CNTN5: variants seen among roughly 807,000 people sequenced by gnomAD.
CNTN5 encodes the protein contactin 5.
Under a neutral mutation model 129.1 loss-of-function variants are expected in CNTN5, and 77 were observed. The ratio of observed to expected loss-of-function variants is 0.60; its 90% CI spans 0.50 to 0.72. The LOEUF is 0.72. Among genes scored for constraint, CNTN5 ranks in the 30% least tolerant of loss-of-function variants. The pLI, the probability that CNTN5 is intolerant of heterozygous loss-of-function variation, is 0.00. For missense variants in CNTN5, 1,478 were observed against 1,328.8 expected, an observed-to-expected ratio of 1.11 and a Z score of -1.75; for synonymous variants, 509 against 465.6, an observed-to-expected ratio of 1.09 and a Z score of -1.20.
At chr11:99,514,673 T>C (rs1301024931) in intron 2 of CNTN5, among the ~76,000 whole-genome samples, 1 of 152,090 alleles carries the variant, frequency 6.6e-6, no homozygotes, top group Admixed American at 6.6e-5. Flanking sequence ...GTATTTTAAA[T>C]TGAGGTATAT....
intron 6 of CNTN5, among the ~76,000 whole-genome samples, chr11:99,878,853 C>A (rs958453023): frequency 6.6e-6 from 1 of 151,672 alleles, no homozygotes; most frequent in Non-Finnish European, 1.5e-5. Context: ...GACTCCGTCT[C>A]AAAAAAAATA....
chr11:100,168,066 A>T (rs979445825), intron 13 of CNTN5, among the ~76,000 whole-genome samples: 1 of 151,906 alleles, frequency 6.6e-6, no homozygotes, highest in Non-Finnish European at 1.5e-5. Flanking sequence ...TCAATTCTAT[A>T]AAGTTTGACA....
At chr11:99,174,856 T>C (rs569590298) in intron 1 of CNTN5, among the ~76,000 whole-genome samples, 2 of 152,256 alleles carry the variant, frequency 1.3e-5, no homozygotes, top group South Asian at 4.1e-4. Flanking sequence ...TGTTATGTGA[T>C]AAAATTGTAT....
intron 3 of CNTN5, among the ~76,000 whole-genome samples, chr11:99,761,327 A>G (rs1480978042): frequency 6.6e-6 from 1 of 151,936 alleles, no homozygotes; most frequent in Non-Finnish European, 1.5e-5. Flanking sequence ...CAGGTTTGTT[A>G]CGTATGTATA....
intron 1 of CNTN5, among the ~76,000 whole-genome samples, chr11:99,051,407 G>T (rs1463339581): frequency 1.3e-5 from 2 of 151,824 alleles, no homozygotes; most frequent in Admixed American, 1.3e-4. Context: ...GCAGCCAATG[G>T]TGCTTATGTC....
At position 99,314,721 on chromosome 11, in the gene CNTN5, G is replaced by A. The variant is rs1865264666; in HGVS notation, c.-209-10625G>A. Among the ~76,000 whole-genome samples, 3 of 150,470 alleles carry A rather than the reference G, an allele frequency of 2.0e-5. 1 individual carries two copies. Among genetic ancestry groups the A allele is most frequent in the Admixed American group, 2.0e-4 (3 of 15,114 alleles). On this transcript the variant is annotated intron_variant, in intron 1 of 24. Transcript: ENST00000524871. The stretch of plus-strand genomic sequence containing the variant: ...AGGGTAGGGAAAGGAGAAAGGGAGA[G>A]GGGAATAAGGAAAGGAAGAGAGGGG...
intron 3 of CNTN5, among the ~76,000 whole-genome samples, chr11:99,652,936 G>A (rs1047295060): frequency 2.6e-5 from 4 of 151,920 alleles, no homozygotes; most frequent in Admixed American, 6.6e-5. Context: ...CTTTAAAAAG[G>A]AGTTCATTGA....
chr11:99,310,164 C>T (rs536471964), intron 1 of CNTN5, among the ~76,000 whole-genome samples: 16 of 152,148 alleles, frequency 1.1e-4, no homozygotes, highest in African/African-American at 2.2e-4. Context: ...GTTGTGAATA[C>T]GCACGCATAA....
chr11:99,988,655 G>C (rs1477512414), intron 8 of CNTN5, among the ~76,000 whole-genome samples: 1 of 152,102 alleles, frequency 6.6e-6, no homozygotes, highest in East Asian at 1.9e-4. Context: ...GATTTTGTGG[G>C]GACTAAGACA....
intron 9 of CNTN5, among the ~76,000 whole-genome samples, chr11:100,054,600 T>A (rs1943121447): frequency 6.6e-6 from 1 of 151,824 alleles, no homozygotes; most frequent in South Asian, 2.1e-4. Flanking sequence ...TGACACTTCA[T>A]CTCCTCATTC....
chr11:99,299,352 G>T (rs1864524244), intron 1 of CNTN5, among the ~76,000 whole-genome samples: 1 of 152,008 alleles, frequency 6.6e-6, no homozygotes, highest in African/African-American at 2.4e-5. Context: ...AGGAACAGAA[G>T]TTATAAAAAG....
chr11:100,202,797 G>A (rs1948813467), intron 15 of CNTN5, among the ~76,000 whole-genome samples: 1 of 151,886 alleles, frequency 6.6e-6, no homozygotes, highest in Non-Finnish European at 1.5e-5. Flanking sequence ...CCCCAGGAAG[G>A]AAGACAAGTA....
intron 2 of CNTN5, among the ~76,000 whole-genome samples, chr11:99,495,281 T>C (rs1010466732): frequency 1.4e-4 from 21 of 152,214 alleles, no homozygotes; most frequent in African/African-American, 2.9e-4. Context: ...GGCAAGAGAA[T>C]AGCTTGAACC....
At chr11:99,939,063 C>A (rs926182605) in intron 7 of CNTN5, among the ~76,000 whole-genome samples, 9 of 151,882 alleles carry the variant, frequency 5.9e-5, no homozygotes, top group African/African-American at 2.2e-4. Flanking sequence ...ATTTATCAAC[C>A]CTCCGGTGTT....
At chr11:99,423,545 G>A (rs907845523) in intron 2 of CNTN5, among the ~76,000 whole-genome samples, 5 of 152,236 alleles carry the variant, frequency 3.3e-5, no homozygotes, top group South Asian at 2.1e-4. Flanking sequence ...AAATGGGAAC[G>A]GAGGAAAATC....
chr11:99,753,121 T>C (rs182958377), intron 3 of CNTN5, among the ~76,000 whole-genome samples: 4 of 123,932 alleles, frequency 3.2e-5, no homozygotes, highest in Non-Finnish European at 7.0e-5. Context: ...CATATTTGCT[T>C]TTTTTTTTTT....
At chr11:99,401,430 T>C (rs1941800594) in intron 2 of CNTN5, among the ~76,000 whole-genome samples, 1 of 152,296 alleles carries the variant, frequency 6.6e-6, no homozygotes, top group South Asian at 2.1e-4. Context: ...TTCTGTTCCA[T>C]TGATGTATGT....
chr11:99,727,312 CAAAAA>C (rs397936738), intron 3 of CNTN5, among the ~76,000 whole-genome samples: 8 of 24,312 alleles, frequency 3.3e-4, no homozygotes, highest in Admixed American at 9.1e-4. Flanking sequence ...GACTCCGTCT[CAAAAA>C]AAAAAAAAAA....
At chr11:100,334,290 G>A (rs1951977854) in intron 21 of CNTN5, among the ~76,000 whole-genome samples, 1 of 152,120 alleles carries the variant, frequency 6.6e-6, no homozygotes, top group Non-Finnish European at 1.5e-5. Flanking sequence ...ATAGATGTTG[G>A]CGTGGATGTG....
Sources: allele counts gnomAD v4.1 joint callset (sites outside exome capture counted in the v4.1 genomes callset), GRCh38; gene constraint gnomAD v4.1.1; transcripts MANE v1.5; gene names NCBI Gene and HGNC (gene_info 2026-07-23, HGNC 2026-07-21).